Variants in PTBP3 observed in about 807,000 individuals in gnomAD.
PTBP3 encodes polypyrimidine tract-binding protein 3.
A neutral mutation model predicts 58.7 loss-of-function variants in PTBP3; 20 were observed. The observed-to-expected ratio is 0.34, with a 90% CI of 0.24 to 0.50. The LOEUF (loss-of-function observed/expected upper bound fraction) is 0.50. Ranked by LOEUF, PTBP3 falls within the 20% of genes least tolerant of loss-of-function variation. The pLI, the probability that PTBP3 is intolerant of heterozygous loss-of-function variation, is 0.98. For missense variants in PTBP3, 509 were observed against 637.2 expected (o/e 0.80, Z 2.17); for synonymous variants, 185 against 219.8 (o/e 0.84, Z 1.40).
At chr9:112,373,561 A>G in the PTBP3 span, among the ~76,000 whole-genome samples, 1 of 152,158 alleles carries the variant, frequency 6.6e-6, no homozygotes, top group Non-Finnish European at 1.5e-5. Flanking sequence ...TTAAGTTGAC[A>G]CTCGGTATTA....
At chr9:112,322,344 AG>A (rs1235186647) in intron 1 of PTBP3, among the ~76,000 whole-genome samples, 16 of 152,072 alleles carry the variant, frequency 1.1e-4, no homozygotes, top group Non-Finnish European at 4.4e-5. Flanking sequence ...GGCCTACCTA[AG>A]GGGGAAAAAA....
the PTBP3 span, among the ~76,000 whole-genome samples, chr9:112,354,380 A>AC: frequency 6.6e-6 from 1 of 152,244 alleles, no homozygotes; most frequent in Non-Finnish European, 1.5e-5. Context: ...TCAGCCTTGA[A>AC]CAGGCAAACA....
chr9:112,355,775 G>A, the PTBP3 span, among the ~76,000 whole-genome samples: 1 of 151,716 alleles, frequency 6.6e-6, no homozygotes, highest in Non-Finnish European at 1.5e-5. Flanking sequence ...ATGCGCCACC[G>A]CGCCTGGCTA....
In PTBP3 at chr9:112,297,832, CAT is replaced by C. The variant is rs750371118; in HGVS notation, c.32_33del (p.Tyr11CysfsTer2). ...TATTAAAAAAAAAAAAAAAACTCAC[CAT>C]ACACACCTGTAGAAGGAGTAGAACT... MNSSTPSTGV[Y>X]ANGNDSKKFK... is the part of the protein sequence containing the mutation. On this transcript the variant is annotated frameshift_variant and splice_region_variant, in exon 2 of 14. Transcript: ENST00000374257. LOFTEE classifies it high-confidence loss of function. 2.0e-6 allele frequency: 3 copies of C among 1,527,444 alleles called. No individual in the cohort carries two copies. In the African/African-American group the frequency reaches 4.3e-5, roughly 22 times the overall value. 94.6% of individuals were successfully genotyped at this position (1,527,444 alleles called of 1,614,324 possible).
At chr9:112,299,321 T>C (rs996517403) in intron 1 of PTBP3, among the ~76,000 whole-genome samples, 4 of 152,142 alleles carry the variant, frequency 2.6e-5, no homozygotes, top group Non-Finnish European at 5.9e-5. Context: ...ATGTATTTTT[T>C]CAAGAATAAC....
In PTBP3 at chr9:112,228,397, G is replaced by A. The variant is rs1320265766; in HGVS notation, c.1130C>T (p.Ala377Val). 2 of 1,604,944 alleles carry A rather than the reference G, an allele frequency of 1.2e-6. No homozygotes were observed. Among genetic ancestry groups the A allele is most frequent in the South Asian group, 1.1e-5 (1 of 89,042 alleles). The change falls in exon 11 of 14, where the codon GCA becomes GTA. Residue 377 changes from alanine to valine, a missense_variant. Ala to Val is a moderately conservative substitution (Grantham distance 64, BLOSUM62 0). Around this residue, in one of 4 missense-constraint regions of PTBP3, gnomAD observed 135 missense variants for 229.0 expected, o/e 0.59. Transcript: ENST00000374257. ...KENALVQMAD[A>V]NQAQLAMNHL... ...ATTAGTACCTAGCTGAGCTTGATTTGCATCCGCCATCTGAACCAAGGCATT... is the reference window on the plus strand; with the variant it reads ...ATTAGTACCTAGCTGAGCTTGATTTACATCCGCCATCTGAACCAAGGCATT...
the PTBP3 span, among the ~76,000 whole-genome samples, chr9:112,358,913 T>C: frequency 6.6e-5 from 10 of 152,180 alleles, no homozygotes; most frequent in Non-Finnish European, 1.2e-4. Context: ...ACAATCACTA[T>C]AGCCTCGACC....
At chr9:112,235,271 T>G (rs1835396476) in intron 7 of PTBP3, among the ~76,000 whole-genome samples, 1 of 152,166 alleles carries the variant, frequency 6.6e-6, no homozygotes, top group African/African-American at 2.4e-5. Flanking sequence ...TCCTTGCCTT[T>G]GAGAGGCTTA....
intron 2 of PTBP3, among the ~76,000 whole-genome samples, chr9:112,288,652 C>G (rs1828245915): frequency 6.6e-6 from 1 of 152,196 alleles, no homozygotes; most frequent in African/African-American, 2.4e-5. Flanking sequence ...CCCAGTTACT[C>G]TATCATGGTT....
chr9:112,248,115 T>C (rs887426627), intron 7 of PTBP3, among the ~76,000 whole-genome samples: 1 of 152,178 alleles, frequency 6.6e-6, no homozygotes, highest in Non-Finnish European at 1.5e-5. Flanking sequence ...CCATAAACTT[T>C]AGAATATAAG....
chr9:112,249,939 A>C (rs1259738163), intron 7 of PTBP3, among the ~76,000 whole-genome samples: 3 of 152,094 alleles, frequency 2.0e-5, no homozygotes, highest in African/African-American at 7.2e-5. Flanking sequence ...AATACAAAAC[A>C]CAAAAATTTG....
intron 7 of PTBP3, among the ~76,000 whole-genome samples, chr9:112,236,259 A>G (rs1835433954): frequency 1.3e-5 from 2 of 152,198 alleles, no homozygotes; most frequent in South Asian, 4.1e-4. Flanking sequence ...ACTGAGATTC[A>G]AAAAATGAGA....
intron 7 of PTBP3, among the ~76,000 whole-genome samples, chr9:112,240,275 C>T (rs1835603490): frequency 1.3e-5 from 2 of 152,050 alleles, no homozygotes; most frequent in African/African-American, 4.8e-5. Context: ...TACATATATA[C>T]ATGTGTATGT....
intron 1 of PTBP3, among the ~76,000 whole-genome samples, chr9:112,316,989 A>G (rs1829731985): frequency 6.6e-6 from 1 of 150,376 alleles, no homozygotes. Context: ...AAAAAACAGT[A>G]AAGAAAAAGG....
chr9:112,290,699 T>TACACAC (rs1221818154), intron 2 of PTBP3, among the ~76,000 whole-genome samples: 2,177 of 64,486 alleles, frequency 0.034, 51 homozygotes, highest in South Asian at 0.078. Context: ...TATATATATA[T>TACACAC]ATATATATAC....
chr9:112,375,735 G>C, the PTBP3 span, among the ~76,000 whole-genome samples: 1 of 152,122 alleles, frequency 6.6e-6, no homozygotes, highest in South Asian at 2.1e-4. Flanking sequence ...CTTGATGATG[G>C]AATACTGCTG....
intron 1 of PTBP3, among the ~76,000 whole-genome samples, chr9:112,314,769 A>G (rs1030027815): frequency 6.6e-6 from 1 of 152,202 alleles, no homozygotes; most frequent in African/African-American, 2.4e-5. Context: ...TCTTCTCTTT[A>G]ACAGAATAAA....
the PTBP3 span, among the ~76,000 whole-genome samples, chr9:112,344,513 A>C: frequency 6.6e-6 from 1 of 152,200 alleles, no homozygotes; most frequent in Non-Finnish European, 1.5e-5. Flanking sequence ...CACCAGATGC[A>C]GCTGTCCAGT....
At chr9:112,273,400 A>T (rs1322364211) in intron 3 of PTBP3, among the ~76,000 whole-genome samples, 2 of 152,224 alleles carry the variant, frequency 1.3e-5, no homozygotes, top group Non-Finnish European at 2.9e-5. Context: ...CTTGTTTCTA[A>T]CTGTTTTTAA....
Sources: allele counts gnomAD v4.1 joint callset (sites outside exome capture counted in the v4.1 genomes callset), GRCh38; gene constraint gnomAD v4.1.1; regional missense constraint gnomAD v4.1.1; transcripts MANE v1.5; gene names NCBI Gene and HGNC (gene_info 2026-07-23, HGNC 2026-07-21).